The following RAPGEF4 variants were observed in gnomAD, a reference collection of about 807,000 sequenced individuals.
RAPGEF4 encodes RAP guanine-nucleotide-exchange factor (GEF) 4.
A neutral mutation model predicts 147.9 loss-of-function variants in RAPGEF4; 66 were observed. The ratio of observed to expected loss-of-function variants is 0.45; its 90% CI spans 0.37 to 0.55. The LOEUF (loss-of-function observed/expected upper bound fraction) is 0.55, where lower values mean the gene tolerates loss of function less well. RAPGEF4 is among the 20% of genes least tolerant of loss of function. The pLI, the probability that RAPGEF4 is intolerant of heterozygous loss-of-function variation, is 0.00. For missense variants in RAPGEF4, 1,071 were observed against 1,257.3 expected, an observed-to-expected ratio of 0.85 and a Z score of 2.24; for synonymous variants, 419 against 442.7, an observed-to-expected ratio of 0.95 and a Z score of 0.67.
chr2:172,888,862 G>A (rs1697551393), intron 4 of RAPGEF4, among the ~76,000 whole-genome samples: 1 of 152,160 alleles, frequency 6.6e-6, no homozygotes. Context: ...CCAGTTAACT[G>A]CTGGATGCTT....
At chr2:172,815,019 T>C (rs1464773884) in intron 4 of RAPGEF4, among the ~76,000 whole-genome samples, 1 of 152,240 alleles carries the variant, frequency 6.6e-6, no homozygotes, top group African/African-American at 2.4e-5. Flanking sequence ...TGCACTCATT[T>C]ACAACAAGTA....
intron 3 of RAPGEF4, among the ~76,000 whole-genome samples, chr2:172,804,356 A>AT (rs1185345839): frequency 6.6e-6 from 1 of 152,120 alleles, no homozygotes; most frequent in South Asian, 2.1e-4. Flanking sequence ...TTCTTCCTGA[A>AT]TTTTTTGAAT....
chr2:172,938,459 TG>T (rs1190090065), intron 6 of RAPGEF4, among the ~76,000 whole-genome samples: 1 of 152,204 alleles, frequency 6.6e-6, no homozygotes, highest in Non-Finnish European at 1.5e-5. Context: ...ACTGTTTGCC[TG>T]GGCCCCCATG....
At chr2:172,803,605 C>T (rs1441912800) in intron 3 of RAPGEF4, among the ~76,000 whole-genome samples, 1 of 152,150 alleles carries the variant, frequency 6.6e-6, no homozygotes, top group Non-Finnish European at 1.5e-5. Context: ...TCCCCATTGT[C>T]TTGGGGAGTA....
rs1553539506 is a variant in RAPGEF4 at position 172,970,182 on chromosome 2, C to CCT, written c.1004+2738_1004+2739insCT. Among the ~76,000 whole-genome samples, 327 of 140,054 alleles carry CCT rather than the reference C, an allele frequency of 2.3e-3. 1 individual carries two copies. Among genetic ancestry groups the CCT allele is most frequent in the African/African-American group, 7.5e-3 (287 of 38,138 alleles). 91.9% of individuals were successfully genotyped at this position (140,054 alleles called of 152,430 possible). On this transcript the variant is annotated intron_variant, in intron 10 of 30. Transcript: ENST00000397081. ...CTACATGTACATACACACACACACC[C>CCT]TTTTTTTTTTTTTTTGATCTGCTAA...
chr2:172,947,370 C>T (rs568562835), intron 6 of RAPGEF4, among the ~76,000 whole-genome samples: 9 of 151,964 alleles, frequency 5.9e-5, no homozygotes, highest in Non-Finnish European at 8.8e-5. Flanking sequence ...TGGTGTTTTA[C>T]GTAGTAGTAG....
intron 10 of RAPGEF4, among the ~76,000 whole-genome samples, chr2:172,976,415 G>A (rs533850920): frequency 2.0e-5 from 3 of 152,298 alleles, no homozygotes; most frequent in Non-Finnish European, 4.4e-5. Flanking sequence ...TGGAAGAAGC[G>A]AGATCTTAAG....
intron 1 of RAPGEF4, among the ~76,000 whole-genome samples, chr2:172,774,650 A>G (rs921482431): frequency 2.0e-5 from 3 of 152,200 alleles, no homozygotes; most frequent in Non-Finnish European, 4.4e-5. Flanking sequence ...CTTATCTCAT[A>G]TAGCTCTGAA....
intron 6 of RAPGEF4, among the ~76,000 whole-genome samples, chr2:172,951,351 G>C (rs1313235779): frequency 4.6e-5 from 7 of 152,206 alleles, no homozygotes. Context: ...TAGAATAAAT[G>C]AATCAATGAA....
rs535272428 is a variant in RAPGEF4, at chr2:173,051,839, C to G, written c.*72C>G. The G allele has an allele frequency of 1.0e-5, 16 of 1,547,998 alleles. No individual in the cohort carries two copies. In the East Asian group the frequency reaches 3.4e-4, roughly 33 times the overall value. On this transcript the variant is annotated 3_prime_UTR_variant, in exon 31 of 31. Coordinates refer to ENST00000397081, the MANE Select transcript of RAPGEF4 (RefSeq NM_007023.4). Reference sequence around the variant, plus strand: ...TTCAAAAATGCCATTTATGCTACTACTGACTGTATTGCCACTAGAGAATTC... The same window carrying G: ...TTCAAAAATGCCATTTATGCTACTAGTGACTGTATTGCCACTAGAGAATTC...
chr2:172,926,562 T>C (rs1685380061), intron 6 of RAPGEF4, among the ~76,000 whole-genome samples: 1 of 151,892 alleles, frequency 6.6e-6, no homozygotes, highest in Non-Finnish European at 1.5e-5. Flanking sequence ...AGTTTTTTGT[T>C]TGTTTATTTG....
chr2:172,764,104 A>T (rs1267233488), intron 1 of RAPGEF4, among the ~76,000 whole-genome samples: 4 of 152,050 alleles, frequency 2.6e-5, no homozygotes, highest in Non-Finnish European at 4.4e-5. Context: ...ATAAAAAAAA[A>T]TTAGCCAAGC....
intron 29 of RAPGEF4, among the ~76,000 whole-genome samples, chr2:173,037,881 T>C (rs977851790): frequency 1.3e-5 from 2 of 152,234 alleles, no homozygotes; most frequent in Non-Finnish European, 1.5e-5. Flanking sequence ...TATAGACTTC[T>C]TATCAGAAAA....
chr2:172,924,846 T>C (rs1685115505), intron 6 of RAPGEF4, among the ~76,000 whole-genome samples: 1 of 152,182 alleles, frequency 6.6e-6, no homozygotes, highest in Non-Finnish European at 1.5e-5. Context: ...AATAAAAACA[T>C]TTAGACTATT....
At position 173,017,410 on chromosome 2, in the gene RAPGEF4, G is replaced by T; in HGVS notation, c.1930-16G>T. ...GTCACTGTCCCTTATGGCACTTGCT[G>T]TGGTTGTTTTTACAGCACAAGGTTC... On this transcript the variant is annotated splice_polypyrimidine_tract_variant and intron_variant, in intron 20 of 30. Coordinates refer to ENST00000397081, the MANE Select transcript of RAPGEF4 (RefSeq NM_007023.4). 1 of 1,611,898 alleles carries T rather than the reference G, an allele frequency of 6.2e-7. No homozygotes were observed. Among genetic ancestry groups the T allele is most frequent in the Non-Finnish European group, 8.5e-7 (1 of 1,177,970 alleles).
intron 21 of RAPGEF4, among the ~76,000 whole-genome samples, chr2:173,018,185 A>ATGGCC (rs1339311826): frequency 6.6e-6 from 1 of 152,200 alleles, no homozygotes; most frequent in Non-Finnish European, 1.5e-5. Context: ...CCGAGCTTAC[A>ATGGCC]TGGCCTGGCC....
chr2:172,913,155 C>G (rs1165416309), intron 4 of RAPGEF4, among the ~76,000 whole-genome samples: 1 of 152,058 alleles, frequency 6.6e-6, no homozygotes, highest in Non-Finnish European at 1.5e-5. Flanking sequence ...CTCAGACTCC[C>G]AAAGTGCTGG....
At chr2:172,954,778 C>T (rs199643991) in intron 6 of RAPGEF4, among the ~76,000 whole-genome samples, 1 of 152,160 alleles carries the variant, frequency 6.6e-6, no homozygotes, top group East Asian at 1.9e-4. Context: ...CTGAATACTG[C>T]TCTCTACCTC....
intron 21 of RAPGEF4, among the ~76,000 whole-genome samples, chr2:173,018,075 A>G (rs1695671114): frequency 6.6e-6 from 1 of 152,254 alleles, no homozygotes; most frequent in Admixed American, 6.5e-5. Flanking sequence ...GAATTATAAT[A>G]TAATAATGGG....
Sources: allele counts gnomAD v4.1 joint callset (sites outside exome capture counted in the v4.1 genomes callset), GRCh38; gene constraint gnomAD v4.1.1; transcripts MANE v1.5; gene names NCBI Gene and HGNC (gene_info 2026-07-23, HGNC 2026-07-21).